RAB6B: variants seen among roughly 807,000 people sequenced by gnomAD.
RAB6B encodes ras-related protein Rab-6B.
RAB6B carries 7 observed loss-of-function variants against 31.2 expected under a neutral mutation model. That is an observed-to-expected ratio of 0.22 (90% CI 0.13 to 0.42). The LOEUF (loss-of-function observed/expected upper bound fraction) is 0.42. Among genes scored for constraint, RAB6B ranks in the 10% least tolerant of loss-of-function variants. The pLI is 1.00. For missense variants in RAB6B, 149 were observed against 280.6 expected, an observed-to-expected ratio of 0.53 and a Z score of 3.35; for synonymous variants, 105 against 104.9, an observed-to-expected ratio of 1.00 and a Z score of -0.01.
intron 1 of RAB6B, among the ~76,000 whole-genome samples, chr3:133,873,509 A>T (rs2108008816): frequency 6.6e-6 from 1 of 152,194 alleles, no homozygotes; most frequent in South Asian, 2.1e-4. Flanking sequence ...ATCCTCAGGT[A>T]CCTGACCAAA....
At chr3:133,857,882 T>C (rs1936105256) in intron 2 of RAB6B, among the ~76,000 whole-genome samples, 1 of 152,290 alleles carries the variant, frequency 6.6e-6, no homozygotes, top group African/African-American at 2.4e-5. Flanking sequence ...TTCCACTTCC[T>C]GTGCCATCTC....
rs1559917412 is a variant in RAB6B at position 133,895,471 on chromosome 3, C to G, written c.-5G>C. On this transcript the variant is annotated 5_prime_UTR_variant, in exon 1 of 8. Coordinates refer to ENST00000285208, the MANE Select transcript of RAB6B (RefSeq NM_016577.4). ...AAAATCTCCCCCTGCGGACATGGTG[C>G]TGGCAGCCGGGGCCGGGAGAGGAGG... 6.2e-7 allele frequency: 1 copy of G among 1,611,194 alleles called. No individual in the cohort carries two copies. Among genetic ancestry groups the G allele is most frequent in the Admixed American group, 1.7e-5 (1 of 59,516 alleles).
chr3:133,895,649 CGGAGGA>C lies in RAB6B; in HGVS notation c.-189_-184del, dbSNP rs944113398. 4.6e-5 allele frequency: 27 copies of C among 588,506 alleles called. No homozygotes were observed. In the Admixed American group the frequency reaches 6.4e-4, roughly 14 times the overall value. 36.5% of individuals were successfully genotyped at this position (588,506 alleles called of 1,614,324 possible). ...CGGCCTGCGGCTGCGTGTCCGGCGG[CGGAGGA>C]GGAGGAGGAGAGAGAGGCGGAGGCG... On this transcript the variant is annotated 5_prime_UTR_variant, in exon 1 of 8. Transcript: ENST00000285208.
At chr3:133,871,381 G>C (rs912061131) in intron 1 of RAB6B, among the ~76,000 whole-genome samples, 4 of 152,224 alleles carry the variant, frequency 2.6e-5, no homozygotes, top group African/African-American at 9.7e-5. Flanking sequence ...ATGGAGATGA[G>C]GGGGTCACAG....
Position 133,860,290 on chromosome 3 carries a change from C to T in RAB6B, c.129+4294G>A, listed in dbSNP as rs550556594. ...AGAATTTAGGGTGGGTCCTTAAATC[C>T]AGTGACTGGTGTCCTCTTAAGAAGA... On this transcript the variant is annotated intron_variant, in intron 2 of 7. Coordinates refer to ENST00000285208, the MANE Select transcript of RAB6B (RefSeq NM_016577.4). Among the ~76,000 whole-genome samples, 39 of 152,266 alleles carry T rather than the reference C, an allele frequency of 2.6e-4. No homozygotes were observed. The South Asian group carries it at 2.7e-3, about 11-fold the overall frequency.
chr3:133,841,724 C>G (rs986641400), intron 2 of RAB6B, 61 bp from the exon 3 acceptor site: 1 of 1,559,866 alleles, frequency 6.4e-7, no homozygotes, highest in Non-Finnish European at 8.8e-7. Flanking sequence ...GGGCAAAAGC[C>G]TAGCGACCAC....
intron 1 of RAB6B, among the ~76,000 whole-genome samples, chr3:133,883,862 C>T (rs1936502224): frequency 6.6e-6 from 1 of 152,218 alleles, no homozygotes; most frequent in Non-Finnish European, 1.5e-5. Context: ...AATCCTGAGC[C>T]AAAATGGTCC....
chr3:133,871,109 C>T (rs977847757), intron 1 of RAB6B, among the ~76,000 whole-genome samples: 1 of 152,252 alleles, frequency 6.6e-6, no homozygotes, highest in Non-Finnish European at 1.5e-5. Flanking sequence ...GAGGCTTCTC[C>T]AGCCACTCAG....
chr3:133,854,712 A>T (rs907141240), intron 2 of RAB6B, among the ~76,000 whole-genome samples: 2 of 152,214 alleles, frequency 1.3e-5, no homozygotes, highest in Non-Finnish European at 2.9e-5. Flanking sequence ...ACATGGTATT[A>T]AACAGTATCT....
intron 1 of RAB6B, among the ~76,000 whole-genome samples, chr3:133,892,814 C>T (rs1386313300): frequency 6.6e-6 from 1 of 152,244 alleles, no homozygotes; most frequent in Non-Finnish European, 1.5e-5. Context: ...GCTCTCTCCA[C>T]TGCACAGGCT....
intron 1 of RAB6B, among the ~76,000 whole-genome samples, chr3:133,872,361 C>T (rs529140197): frequency 1.1e-4 from 17 of 152,374 alleles, no homozygotes; most frequent in African/African-American, 3.4e-4. Flanking sequence ...CCAGGCTACC[C>T]GCATCCCTGC....
chr3:133,872,731 C>T (rs909242452), intron 1 of RAB6B, among the ~76,000 whole-genome samples: 5 of 152,306 alleles, frequency 3.3e-5, no homozygotes, highest in South Asian at 2.1e-4. Context: ...TGAGGAAACA[C>T]GTGAAAAACC....
At position 133,895,848 on chromosome 3, in the gene RAB6B, C is replaced by T. The variant is rs990900083; in HGVS notation, c.-382G>A. ...CCAGAGCCGCGCCAGTCGGCCCCCT[C>T]CCGCCTGCCTCCTCCGCCGGCGCCT... On this transcript the variant is annotated 5_prime_UTR_variant, in exon 1 of 8. Transcript: ENST00000285208. The T allele has an allele frequency of 4.9e-6, 1 of 202,408 alleles. No homozygotes were observed. The highest frequency in any genetic ancestry group is 9.9e-6 in the Non-Finnish European group (1 of 101,190). The allele number at this position is 202,408 out of a possible 1,614,324, so 12.5% of individuals were successfully genotyped here.
At chr3:133,838,796 C>T (rs1465962185) in intron 5 of RAB6B, among the ~76,000 whole-genome samples, 1 of 152,196 alleles carries the variant, frequency 6.6e-6, no homozygotes, top group Non-Finnish European at 1.5e-5. Flanking sequence ...AAGGACAGAA[C>T]TCTAGTAAAG....
chr3:133,887,986 C>G (rs749029497), intron 1 of RAB6B, among the ~76,000 whole-genome samples: 1 of 152,186 alleles, frequency 6.6e-6, no homozygotes, highest in Non-Finnish European at 1.5e-5. Context: ...ACACGGAGAC[C>G]CTGCTTCCCT....
chr3:133,836,743 A>G (rs1459917488), intron 6 of RAB6B, among the ~76,000 whole-genome samples: 4 of 152,248 alleles, frequency 2.6e-5, no homozygotes, highest in African/African-American at 9.6e-5. Context: ...AGGAAGGACC[A>G]TGACAGCTTC....
At chr3:133,834,920 G>C (rs575934595) in intron 6 of RAB6B, among the ~76,000 whole-genome samples, 43 of 152,368 alleles carry the variant, frequency 2.8e-4, no homozygotes, top group African/African-American at 1.0e-3. Context: ...ACTGGGATGA[G>C]CTTAGGTCAT....
At chr3:133,878,299 C>T (rs1936423741) in intron 1 of RAB6B, among the ~76,000 whole-genome samples, 3 of 152,060 alleles carry the variant, frequency 2.0e-5, no homozygotes, top group African/African-American at 7.2e-5. Context: ...GAAAAAAAGA[C>T]ACATTATGTA....
intron 6 of RAB6B, among the ~76,000 whole-genome samples, chr3:133,835,357 G>A (rs1415395413): frequency 1.3e-5 from 2 of 152,072 alleles, no homozygotes; most frequent in Admixed American, 1.3e-4. Flanking sequence ...GAATGTTTGA[G>A]TGTGGTGTGT....
Sources: allele counts gnomAD v4.1 joint callset (sites outside exome capture counted in the v4.1 genomes callset), GRCh38; gene constraint gnomAD v4.1.1; transcripts MANE v1.5; gene names NCBI Gene and HGNC (gene_info 2026-07-23, HGNC 2026-07-21).